The following GPLD1 variants were observed in gnomAD, a reference collection of about 807,000 sequenced individuals.
GPLD1 encodes the protein glycosylphosphatidylinositol specific phospholipase D1.
GPLD1 carries 84 observed loss-of-function variants against 112.6 expected under a neutral mutation model. That is an observed-to-expected ratio of 0.75 (90% CI 0.63 to 0.89). GPLD1 has a LOEUF of 0.89. Among genes scored for constraint, GPLD1 ranks in the 40% least tolerant of loss-of-function variants. GPLD1 has a pLI of 0.00. For synonymous variants in GPLD1, 386 were observed against 403.8 expected, an observed-to-expected ratio of 0.96 and a Z score of 0.53; for missense variants, 1,044 against 1,051.5, an observed-to-expected ratio of 0.99 and a Z score of 0.10.
intron 1 of GPLD1, among the ~76,000 whole-genome samples, chr6:24,486,985 C>A (rs1764397952): frequency 6.6e-6 from 1 of 152,162 alleles, no homozygotes; most frequent in Non-Finnish European, 1.5e-5. Context: ...ACCAACTACA[C>A]CCCACACCCA....
At position 24,470,601 on chromosome 6, in the gene GPLD1, CT is replaced by C. The variant is rs202142381; in HGVS notation, c.545+1980del. On this transcript the variant is annotated intron_variant, in intron 7 of 24. Transcript: ENST00000230036. ...TTATTTGAATGGTAAATTTTTTTTT[CT>C]TTTTTTATTTTTTGAGACGGAGTTT... 4.9e-3 allele frequency among the ~76,000 whole-genome samples: 746 copies of C among 151,278 alleles called. 5 individuals carry two copies. The highest frequency in any genetic ancestry group is 0.014 in the South Asian group (66 of 4,808).
chr6:24,460,051 T>A (rs968596122), intron 12 of GPLD1, among the ~76,000 whole-genome samples: 13 of 152,152 alleles, frequency 8.5e-5, no homozygotes, highest in African/African-American at 2.9e-4. Flanking sequence ...GGCACAGCCA[T>A]CACACCCAGC....
upstream of GPLD1, chr6:24,489,602 G>A (rs1442233409): frequency 9.5e-6 from 15 of 1,579,434 alleles, no homozygotes; most frequent in East Asian, 2.3e-5. Flanking sequence ...CAGACCCACC[G>A]CTTCTCTCTA....
intron 20 of GPLD1, among the ~76,000 whole-genome samples, chr6:24,440,358 C>T (rs1279804222): frequency 6.6e-6 from 1 of 152,028 alleles, no homozygotes; most frequent in Non-Finnish European, 1.5e-5. Context: ...GCGGCAGGAT[C>T]GCTTGACCTC....
chr6:24,466,982 A>G (rs897234388), intron 8 of GPLD1, 43 bp from the exon 9 acceptor site: 1 of 1,542,998 alleles, frequency 6.5e-7, no homozygotes, highest in African/African-American at 1.4e-5. Flanking sequence ...TGCAGTTTGT[A>G]ACAGAGAAAT....
chr6:24,439,464 G>A (rs752310616), intron 20 of GPLD1, among the ~76,000 whole-genome samples: 8 of 152,192 alleles, frequency 5.3e-5, no homozygotes, highest in Admixed American at 2.6e-4. Context: ...AGGAAGAATT[G>A]TAATTAATCA....
intron 17 of GPLD1, among the ~76,000 whole-genome samples, chr6:24,447,645 A>G (rs1762952418): frequency 6.6e-6 from 1 of 152,202 alleles, no homozygotes; most frequent in Admixed American, 6.5e-5. Flanking sequence ...CACTATGGGA[A>G]TAGTCTATTT....
At chr6:24,473,586 C>A (rs762788347) in intron 6 of GPLD1, 33 bp downstream of exon 6, 2 of 1,423,236 alleles carry the variant, frequency 1.4e-6, no homozygotes, top group Admixed American at 1.7e-5. Context: ...AACTATACCA[C>A]GAGAAAATTT....
At chr6:24,431,271 C>T (rs1762396805) in intron 24 of GPLD1, among the ~76,000 whole-genome samples, 1 of 152,184 alleles carries the variant, frequency 6.6e-6, no homozygotes, top group Admixed American at 6.5e-5. Context: ...GGAACCTGGT[C>T]CACAGCACTT....
intron 2 of GPLD1, among the ~76,000 whole-genome samples, chr6:24,482,573 G>A (rs948754784): frequency 3.9e-5 from 6 of 152,058 alleles, no homozygotes; most frequent in African/African-American, 4.8e-5. Flanking sequence ...GAGCCACTGC[G>A]CCCAGATAAT....
At chr6:24,461,509 C>A (rs1763433393) in intron 11 of GPLD1, among the ~76,000 whole-genome samples, 1 of 152,172 alleles carries the variant, frequency 6.6e-6, no homozygotes, top group Non-Finnish European at 1.5e-5. Flanking sequence ...CCTTAAATAT[C>A]CCGGTTAAGC....
chr6:24,481,912 T>C (rs1345650181), intron 2 of GPLD1, among the ~76,000 whole-genome samples: 1 of 152,198 alleles, frequency 6.6e-6, no homozygotes, highest in African/African-American at 2.4e-5. Flanking sequence ...CAGTCACTGT[T>C]CTAAGCTCCT....
chr6:24,478,530 C>T (rs1249741628), intron 3 of GPLD1, among the ~76,000 whole-genome samples: 2 of 152,202 alleles, frequency 1.3e-5, no homozygotes, highest in Middle Eastern at 3.2e-3. Flanking sequence ...ACTCCCCATC[C>T]TTCTCTACCT....
chr6:24,449,163 G>A (rs913166956), intron 15 of GPLD1, among the ~76,000 whole-genome samples: 1 of 152,034 alleles, frequency 6.6e-6, no homozygotes, highest in Non-Finnish European at 1.5e-5. Flanking sequence ...AGGTCGCAAA[G>A]TGAGACAGCC....
chr6:24,445,318 C>T (rs1163151549), intron 20 of GPLD1, among the ~76,000 whole-genome samples: 2 of 152,180 alleles, frequency 1.3e-5, no homozygotes, highest in South Asian at 2.1e-4. Flanking sequence ...TGAGCCACCG[C>T]ACCCGGCCTG....
At chr6:24,446,383 G>A (rs1417628852) in intron 18 of GPLD1, among the ~76,000 whole-genome samples, 1 of 151,170 alleles carries the variant, frequency 6.6e-6, no homozygotes, top group Non-Finnish European at 1.5e-5. Context: ...GGGCACACAC[G>A]ACTTGTAGTC....
chr6:24,433,642 A>G (rs2127313474), intron 22 of GPLD1: 2 of 383,334 alleles, frequency 5.2e-6, no homozygotes, highest in South Asian at 6.8e-5. Context: ...ACAGGCGCCC[A>G]CCACCACGCC....
chr6:24,473,669 T>C lies in GPLD1; in HGVS notation c.442-2A>G. 1.2e-6 allele frequency: 2 copies of C among 1,602,646 alleles called. No homozygotes were observed. The highest frequency in any genetic ancestry group is 1.7e-6 in the Non-Finnish European group (2 of 1,170,204). Reference sequence around the variant, plus strand: ...TGAATAGGAGCCGTGAAAATCAATCTAAGAAAGAAAGAGAACCATCTGGTG... The same window carrying C: ...TGAATAGGAGCCGTGAAAATCAATCCAAGAAAGAAAGAGAACCATCTGGTG... On this transcript the variant is annotated splice_acceptor_variant, in intron 5 of 24. Transcript: ENST00000230036. LOFTEE classifies it high-confidence loss of function.
chr6:24,474,012 G>A (rs958044914), intron 5 of GPLD1, among the ~76,000 whole-genome samples: 4 of 151,974 alleles, frequency 2.6e-5, no homozygotes, highest in African/African-American at 9.7e-5. Flanking sequence ...GGTAATCCCA[G>A]CTACTTGGGA....
Sources: gnomAD v4.1 joint callset for allele counts (sites outside exome capture counted in the v4.1 genomes callset) on GRCh38, gnomAD v4.1.1 for gene constraint, MANE v1.5 for transcripts, NCBI Gene and HGNC (gene_info 2026-07-23, HGNC 2026-07-21) for gene names.